Variants in SLC9A8 observed in about 807,000 individuals in gnomAD.
SLC9A8 encodes sodium/hydrogen exchanger 8.
Under a neutral mutation model 66.6 loss-of-function variants are expected in SLC9A8, and 48 were observed. The observed-to-expected ratio is 0.72, with a 90% CI of 0.57 to 0.92. SLC9A8 has a LOEUF of 0.92. SLC9A8 is among the 40% of genes least tolerant of loss of function. The pLI is 0.00. For synonymous variants in SLC9A8, 274 were observed against 282.6 expected (o/e 0.97, Z 0.31); for missense variants, 599 against 747.3 (o/e 0.80, Z 2.31).
At chr20:49,834,407 ATATATATATACTG>A (rs1466237656) in intron 3 of SLC9A8, among the ~76,000 whole-genome samples, 1 of 84,272 alleles carries the variant, frequency 1.2e-5, no homozygotes, top group Non-Finnish European at 2.1e-5. Flanking sequence ...TATACTGTGT[ATATATATATACTG>A]TATATATATA....
At chr20:49,881,074 T>C (rs372829513) in intron 13 of SLC9A8, 39 bp downstream of exon 13, 2 of 1,427,922 alleles carry the variant, frequency 1.4e-6, no homozygotes, top group Admixed American at 1.7e-5. Flanking sequence ...GGGAAGTACC[T>C]GTTAAAAGCA....
intron 5 of SLC9A8, among the ~76,000 whole-genome samples, chr20:49,846,502 C>T (rs552291165): frequency 1.3e-5 from 2 of 151,034 alleles, no homozygotes; most frequent in South Asian, 4.2e-4. Flanking sequence ...GATGAAAGAA[C>T]GTAGGCAAAG....
chr20:49,817,271 C>T (rs2086584236), intron 2 of SLC9A8, among the ~76,000 whole-genome samples: 2 of 151,736 alleles, frequency 1.3e-5, no homozygotes, highest in South Asian at 2.1e-4. Flanking sequence ...AAGCCGAGAT[C>T]GCGCCACTGC....
chr20:49,818,620 A>T (rs1464181445), intron 2 of SLC9A8, among the ~76,000 whole-genome samples: 1 of 150,822 alleles, frequency 6.6e-6, no homozygotes, highest in Non-Finnish European at 1.5e-5. Context: ...CCTCCCAAGT[A>T]GCTGGGGTTA....
Position 49,815,029 on chromosome 20 carries a change from T to A in SLC9A8, c.48T>A (p.His16Gln), listed in dbSNP as rs536021956. ...CCAGGAGGTTCCCCAATACAACTCA[T>A]GAGGGTTTCAATGTCACCCTCCACA... ...AEEERFPNTTHEGFNVTLHTT... is the reference protein window; with the variant it reads ...AEEERFPNTTQEGFNVTLHTT... The change falls in exon 2 of 16, where the codon CAT becomes CAA. Residue 16 changes from histidine to glutamine, a missense_variant. By Grantham distance (24) the His-to-Gln change is conservative. This residue lies in a region of SLC9A8 where 132 missense variants were observed against 120.9 expected (regional missense o/e 1.09). Transcript: ENST00000361573. 2 of 1,595,300 alleles carry A rather than the reference T, an allele frequency of 1.3e-6. No homozygotes were observed. The highest frequency in any genetic ancestry group is 1.7e-6 in the Non-Finnish European group (2 of 1,170,086).
At chr20:49,838,604 G>A (rs1219904964) in intron 3 of SLC9A8, among the ~76,000 whole-genome samples, 1 of 152,132 alleles carries the variant, frequency 6.6e-6, no homozygotes, top group Non-Finnish European at 1.5e-5. Context: ...TCCTTTTCCT[G>A]CTCAGCTTCT....
intron 2 of SLC9A8, 69 bp downstream of exon 2, chr20:49,815,258 C>T (rs943705023): frequency 1.8e-4 from 233 of 1,297,518 alleles, no homozygotes; most frequent in Middle Eastern, 2.7e-4. Context: ...GTGTGTTTAA[C>T]CCTGTCACTC....
chr20:49,825,882 G>A (rs1325684163), intron 3 of SLC9A8, among the ~76,000 whole-genome samples: 1 of 152,184 alleles, frequency 6.6e-6, no homozygotes. Flanking sequence ...AGCCCTTAAA[G>A]CAGTAACTGC....
chr20:49,820,636 T>A (rs1157092592), intron 2 of SLC9A8, among the ~76,000 whole-genome samples: 1 of 152,100 alleles, frequency 6.6e-6, no homozygotes, highest in Non-Finnish European at 1.5e-5. Flanking sequence ...AACCTCTACC[T>A]CCTGGGTTCA....
At chr20:49,830,736 ATGCTGAT>A (rs1380621334) in intron 3 of SLC9A8, 2 of 728,956 alleles carry the variant, frequency 2.7e-6, no homozygotes, top group African/African-American at 3.6e-5. Context: ...AGCCAAGATG[ATGCTGAT>A]TGTAAACATA....
chr20:49,816,992 T>C (rs1239174246), intron 2 of SLC9A8, among the ~76,000 whole-genome samples: 7 of 151,828 alleles, frequency 4.6e-5, no homozygotes, highest in Non-Finnish European at 8.8e-5. Flanking sequence ...CCTCCCAAAG[T>C]GCTGGGATTA....
chr20:49,862,787 A>C, intron 8 of SLC9A8, 142 bp from the exon 9 acceptor site: 2 of 743,596 alleles, frequency 2.7e-6, no homozygotes, highest in Non-Finnish European at 4.3e-6. Context: ...GTAGGTGAAC[A>C]ATAAACGTTT....
chr20:49,858,875 T>C (rs2088618871), intron 8 of SLC9A8, among the ~76,000 whole-genome samples: 1 of 151,746 alleles, frequency 6.6e-6, no homozygotes, highest in Admixed American at 6.6e-5. Context: ...GGAGGATTGC[T>C]TGAACCTGGG....
chr20:49,835,851 G>T (rs2087514207), intron 3 of SLC9A8, among the ~76,000 whole-genome samples: 2 of 151,544 alleles, frequency 1.3e-5, no homozygotes, highest in Admixed American at 1.3e-4. Flanking sequence ...ACGCCCAACT[G>T]CTTTTTTTGT....
In SLC9A8 at chr20:49,874,910, C is replaced by A. The variant is rs539971883; in HGVS notation, c.1075+89C>A. ...TGTTTGAGAAGTCAGTTGAGACTTTCCCTGGCAGCAGGGCAGCAGCTCCTC... is the reference window on the plus strand; with the variant it reads ...TGTTTGAGAAGTCAGTTGAGACTTTACCTGGCAGCAGGGCAGCAGCTCCTC... On this transcript the variant is annotated intron_variant, in intron 11 of 15. Coordinates refer to ENST00000361573, the MANE Select transcript of SLC9A8 (RefSeq NM_015266.3). The A allele has an allele frequency of 2.3e-5, 21 of 903,644 alleles. No individual in the cohort carries two copies. In the African/African-American group the frequency reaches 3.4e-4, roughly 15 times the overall value. The allele number at this position is 903,644 out of a possible 1,614,324, so 56.0% of individuals were successfully genotyped here.
chr20:49,831,195 T>C (rs1487851913), intron 3 of SLC9A8: 3 of 427,462 alleles, frequency 7.0e-6, no homozygotes, highest in Admixed American at 3.5e-5. Flanking sequence ...CTGTCTCCAT[T>C]TCCTTTTACA....
intron 2 of SLC9A8, among the ~76,000 whole-genome samples, chr20:49,822,656 A>G (rs1310150562): frequency 6.6e-6 from 1 of 152,116 alleles, no homozygotes; most frequent in African/African-American, 2.4e-5. Flanking sequence ...GTGTGGTGTC[A>G]TGTGTCTCTA....
chr20:49,855,368 C>T, intron 7 of SLC9A8, 70 bp from the exon 8 acceptor site: 6 of 1,479,556 alleles, frequency 4.1e-6, no homozygotes, highest in Non-Finnish European at 4.7e-6. Context: ...TGGCCTTTGA[C>T]TTTAATGCTT....
chr20:49,815,606 G>A (rs1443314012), intron 2 of SLC9A8, among the ~76,000 whole-genome samples: 11 of 152,208 alleles, frequency 7.2e-5, no homozygotes, highest in Admixed American at 4.6e-4. Flanking sequence ...TTAGCTAGGC[G>A]TAGTGGTGTA....
Sources: gnomAD v4.1 joint callset for allele counts (sites outside exome capture counted in the v4.1 genomes callset) on GRCh38, gnomAD v4.1.1 for gene constraint, gnomAD v4.1.1 regional missense constraint, MANE v1.5 for transcripts, NCBI Gene and HGNC (gene_info 2026-07-23, HGNC 2026-07-21) for gene names.